Variants in ARHGAP28 observed in about 807,000 individuals in gnomAD.
The protein encoded by ARHGAP28 is rho GTPase-activating protein 28.
Under a neutral mutation model 90.7 loss-of-function variants are expected in ARHGAP28, and 56 were observed. That is an observed-to-expected ratio of 0.62 (90% CI 0.50 to 0.77). The LOEUF is 0.77. ARHGAP28 is among the 30% of genes least tolerant of loss of function. The pLI is 0.00. For missense variants in ARHGAP28, 869 were observed against 900.9 expected, an observed-to-expected ratio of 0.96 and a Z score of 0.45; for synonymous variants, 308 against 323.3, an observed-to-expected ratio of 0.95 and a Z score of 0.51.
At position 6,805,925 on chromosome 18, in the gene ARHGAP28, G is replaced by A. The variant is rs571696940; in HGVS notation, c.123-18837G>A. Among the ~76,000 whole-genome samples, 495 of 147,788 alleles carry A rather than the reference G, an allele frequency of 3.3e-3. 10 individuals carry two copies. The highest frequency in any genetic ancestry group is 1.6e-3 in the Non-Finnish European group (105 of 66,490). On this transcript the variant is annotated intron_variant, in intron 1 of 17. Coordinates refer to ENST00000383472, the MANE Select transcript of ARHGAP28 (RefSeq NM_001366230.1). ...TTTGGAGACAGAGTCTCACTCTGTC[G>A]CCAGGCTGGAGTGCAGTGGCAAGAT...
chr18:6,783,373 C>T (rs1009213958), intron 1 of ARHGAP28, among the ~76,000 whole-genome samples: 5 of 151,654 alleles, frequency 3.3e-5, no homozygotes, highest in African/African-American at 1.2e-4. Context: ...GCGATCTCAG[C>T]TCACTGCAAC....
intron 2 of ARHGAP28, among the ~76,000 whole-genome samples, chr18:6,834,131 G>T (rs1398154493): frequency 6.6e-6 from 1 of 150,490 alleles, no homozygotes; most frequent in East Asian, 2.0e-4. Flanking sequence ...CTCTAATAGA[G>T]CACTCTGGAA....
At chr18:6,884,394 T>C (rs1409330409) in intron 11 of ARHGAP28, among the ~76,000 whole-genome samples, 1 of 151,976 alleles carries the variant, frequency 6.6e-6, no homozygotes, top group African/African-American at 2.4e-5. Context: ...AAAAAGTCCT[T>C]GTTGGCAGTT....
At position 6,915,248 on chromosome 18, in the gene ARHGAP28, T is replaced by C. The variant is rs2143909897; in HGVS notation, c.*3094T>C. The C allele has an allele frequency of 6.6e-6, 1 of 152,338 alleles. No individual in the cohort carries two copies. Among genetic ancestry groups the C allele is most frequent in the South Asian group, 2.1e-4 (1 of 4,832 alleles). The allele number at this position is 152,338 out of a possible 1,614,324, so 9.4% of individuals were successfully genotyped here. On this transcript the variant is annotated 3_prime_UTR_variant, in exon 18 of 18. Coordinates refer to ENST00000383472, the MANE Select transcript of ARHGAP28 (RefSeq NM_001366230.1). ...AGTAGGAATTAATGTCCATCTTTTC[T>C]TTCAGGCATTTTCATCTGCTGTCCA...
chr18:6,908,353 G>T (rs1334545434), intron 16 of ARHGAP28, among the ~76,000 whole-genome samples: 1 of 151,936 alleles, frequency 6.6e-6, no homozygotes, highest in Non-Finnish European at 1.5e-5. Context: ...TACCCAGGCT[G>T]GTCTCAAACT....
intron 9 of ARHGAP28, among the ~76,000 whole-genome samples, chr18:6,874,225 G>T (rs1221670398): frequency 6.6e-6 from 1 of 152,170 alleles, no homozygotes; most frequent in Non-Finnish European, 1.5e-5. Flanking sequence ...TTAAAAATGT[G>T]TATATGTGTA....
Position 6,894,846 on chromosome 18 carries a change from C to T in ARHGAP28, c.1860C>T (p.Pro620=). ...TGTGTTTCTTTTAGACTGCAAGCCC[C>T]AAGACTTCAAAGGTACTGCAAAAAT... ...RKTLERETAS[P]KTSKVLQKSP... Residue 620 remains proline, a synonymous_variant, in exon 15 of 18, where the codon CCC becomes CCT. Transcript: ENST00000383472. 1 of 1,613,992 alleles carries T rather than the reference C, an allele frequency of 6.2e-7. No individual in the cohort carries two copies. The highest frequency in any genetic ancestry group is 8.5e-7 in the Non-Finnish European group (1 of 1,179,974).
At chr18:6,886,761 A>G (rs1156451761) in intron 11 of ARHGAP28, among the ~76,000 whole-genome samples, 3 of 152,208 alleles carry the variant, frequency 2.0e-5, no homozygotes, top group African/African-American at 2.4e-5. Context: ...CTGGTTCTAA[A>G]TCTGTGTTCC....
At chr18:6,835,080 G>C (rs1394910416) in intron 2 of ARHGAP28, among the ~76,000 whole-genome samples, 1 of 152,114 alleles carries the variant, frequency 6.6e-6, no homozygotes, top group Non-Finnish European at 1.5e-5. Flanking sequence ...AGTAATACTG[G>C]TATCTGCCCT....
intron 3 of ARHGAP28, among the ~76,000 whole-genome samples, chr18:6,843,421 G>T (rs529769235): frequency 6.6e-6 from 1 of 152,292 alleles, no homozygotes; most frequent in South Asian, 2.1e-4. Flanking sequence ...TTCTGGAAAT[G>T]GGCTTTTTCT....
At chr18:6,895,348 A>G (rs950056819) in intron 15 of ARHGAP28, among the ~76,000 whole-genome samples, 12 of 152,102 alleles carry the variant, frequency 7.9e-5, no homozygotes, top group African/African-American at 2.9e-4. Context: ...TTAGGAGAAT[A>G]CTGTAAGAAC....
intron 2 of ARHGAP28, among the ~76,000 whole-genome samples, chr18:6,836,690 A>T (rs1449629240): frequency 6.6e-6 from 1 of 152,192 alleles, no homozygotes; most frequent in Non-Finnish European, 1.5e-5. Flanking sequence ...CATATTCAAA[A>T]GGGATGCCAA....
At chr18:6,739,401 A>G (rs1251319855) in intron 1 of ARHGAP28, among the ~76,000 whole-genome samples, 2 of 152,014 alleles carry the variant, frequency 1.3e-5, no homozygotes, top group African/African-American at 4.8e-5. Context: ...AAATTGATTT[A>G]AATATAATAA....
rs189233423 is a variant in ARHGAP28 at position 6,819,914 on chromosome 18, T to G, written c.123-4848T>G. ...TTGACATGCTCTGCCTCTCACTCTA[T>G]CTACCAAATAGAGGAAAAGCCTTGC... On this transcript the variant is annotated intron_variant, in intron 1 of 17. Coordinates refer to ENST00000383472, the MANE Select transcript of ARHGAP28 (RefSeq NM_001366230.1). 4.6e-3 allele frequency among the ~76,000 whole-genome samples: 693 copies of G among 152,272 alleles called. 21 individuals are homozygous for G. The highest frequency in any genetic ancestry group is 0.038 in the Admixed American group (586 of 15,288).
chr18:6,844,326 TGTC>T (rs1177287787), intron 3 of ARHGAP28, among the ~76,000 whole-genome samples: 1 of 152,230 alleles, frequency 6.6e-6, no homozygotes, highest in African/African-American at 2.4e-5. Flanking sequence ...AGTTTCTTTT[TGTC>T]TTTCTTTTTG....
chr18:6,847,767 A>G (rs1264691716), intron 3 of ARHGAP28, among the ~76,000 whole-genome samples: 1 of 152,170 alleles, frequency 6.6e-6, no homozygotes, highest in East Asian at 1.9e-4. Flanking sequence ...TCCCGAGACC[A>G]TGCCCAGGTT....
intron 10 of ARHGAP28, among the ~76,000 whole-genome samples, chr18:6,881,746 G>T (rs773644011): frequency 1.3e-5 from 2 of 152,170 alleles, no homozygotes; most frequent in Non-Finnish European, 2.9e-5. Context: ...TTTAGAAATA[G>T]AAGAGAGGAT....
Position 6,870,375 on chromosome 18 carries a change from C to G in ARHGAP28, c.812-215C>G, listed in dbSNP as rs574045659. 5.3e-5 allele frequency among the ~76,000 whole-genome samples: 8 copies of G among 152,196 alleles called. No individual in the cohort carries two copies. In the South Asian group the frequency reaches 1.7e-3, roughly 32 times the overall value. Reference sequence around the variant, plus strand: ...AATCAGAGTAAATAGTTTGTTTGGGCAATGATGATAAAAATGTGTCCATAT... The same window carrying G: ...AATCAGAGTAAATAGTTTGTTTGGGGAATGATGATAAAAATGTGTCCATAT... On this transcript the variant is annotated intron_variant, in intron 6 of 17. Coordinates refer to ENST00000383472, the MANE Select transcript of ARHGAP28 (RefSeq NM_001366230.1).
chr18:6,733,697 C>T (rs1291122150), intron 1 of ARHGAP28, among the ~76,000 whole-genome samples: 2 of 152,180 alleles, frequency 1.3e-5, no homozygotes, highest in African/African-American at 4.8e-5. Flanking sequence ...GATACAACAT[C>T]TTTCTGTCCC....
Sources: gnomAD v4.1 joint callset for allele counts (sites outside exome capture counted in the v4.1 genomes callset) on GRCh38, gnomAD v4.1.1 for gene constraint, MANE v1.5 for transcripts, NCBI Gene and HGNC (gene_info 2026-07-23, HGNC 2026-07-21) for gene names.